CTNNA3: variants seen among roughly 807,000 people sequenced by gnomAD.
CTNNA3 encodes catenin alpha 3.
A neutral mutation model predicts 95.7 loss-of-function variants in CTNNA3; 76 were observed. That is an observed-to-expected ratio of 0.79 (90% confidence interval 0.66 to 0.96). The LOEUF (loss-of-function observed/expected upper bound fraction) is 0.96, where lower values mean the gene tolerates loss of function less well. Among genes scored for constraint, CTNNA3 ranks in the 40% least tolerant of loss-of-function variants. CTNNA3 has a pLI of 0.00. For missense variants in CTNNA3, 1,191 were observed against 1,089.8 expected, an observed-to-expected ratio of 1.09 and a Z score of -1.31; for synonymous variants, 431 against 374.4, an observed-to-expected ratio of 1.15 and a Z score of -1.74.
intron 6 of CTNNA3, among the ~76,000 whole-genome samples, chr10:67,187,515 C>G (rs888322426): frequency 1.3e-5 from 2 of 151,940 alleles, no homozygotes; most frequent in Non-Finnish European, 2.9e-5. Context: ...GTCTTTCTCT[C>G]TCATCATTTT....
chr10:67,314,479 A>G (rs1165671994), intron 5 of CTNNA3, among the ~76,000 whole-genome samples: 3 of 152,256 alleles, frequency 2.0e-5, no homozygotes, highest in Non-Finnish European at 2.9e-5. Flanking sequence ...ATTTTAGTAT[A>G]TAATTTAACT....
intron 9 of CTNNA3, among the ~76,000 whole-genome samples, chr10:66,670,591 A>C (rs917063880): frequency 1.3e-5 from 2 of 151,858 alleles, no homozygotes; most frequent in African/African-American, 4.8e-5. Context: ...TCACCGACTG[A>C]TTTTTCTGTT....
chr10:67,057,912 G>T (rs1855535265), intron 7 of CTNNA3, among the ~76,000 whole-genome samples: 1 of 152,156 alleles, frequency 6.6e-6, no homozygotes, highest in African/African-American at 2.4e-5. Context: ...AGACTTCAAA[G>T]AAGGTAATGC....
intron 7 of CTNNA3, among the ~76,000 whole-genome samples, chr10:67,133,410 G>C (rs975839931): frequency 1.1e-4 from 16 of 144,496 alleles, no homozygotes; most frequent in Non-Finnish European, 2.3e-4. Context: ...CACAATGGTA[G>C]ATATATATAT....
intron 4 of CTNNA3, among the ~76,000 whole-genome samples, chr10:67,524,144 C>A (rs1840065811): frequency 6.6e-6 from 1 of 152,176 alleles, no homozygotes; most frequent in Admixed American, 6.5e-5. Context: ...TGGCTCACGC[C>A]TGTAATCCCA....
chr10:67,126,436 A>G (rs2132007089), intron 7 of CTNNA3, among the ~76,000 whole-genome samples: 1 of 152,312 alleles, frequency 6.6e-6, no homozygotes, highest in East Asian at 1.9e-4. Flanking sequence ...CTGAGGCGGG[A>G]GAATCGCTTG....
chr10:67,347,983 G>A (rs963919569), intron 5 of CTNNA3, among the ~76,000 whole-genome samples: 1 of 151,984 alleles, frequency 6.6e-6, no homozygotes, highest in Non-Finnish European at 1.5e-5. Flanking sequence ...AACCAGAAAC[G>A]TCAATATAAA....
rs146266624 is a variant in CTNNA3, at chr10:66,350,031, G to A, written c.1732+29121C>T. On this transcript the variant is annotated intron_variant, in intron 12 of 17. Transcript: ENST00000433211. ...ATCACATTTCCTCTATTATAGCAAC[G>A]TAACACATTGGTGATATAAAGTTAT... 2.6e-4 allele frequency among the ~76,000 whole-genome samples: 39 copies of A among 152,128 alleles called. No individual in the cohort carries two copies. The East Asian group carries it at 6.6e-3, about 26-fold the overall frequency.
intron 7 of CTNNA3, among the ~76,000 whole-genome samples, chr10:66,973,908 C>T (rs1849873986): frequency 6.6e-6 from 1 of 152,168 alleles, no homozygotes; most frequent in Non-Finnish European, 1.5e-5. Context: ...AGGCGTGAAC[C>T]ACCGCGTCCA....
chr10:66,587,756 G>A (rs1206495927), intron 10 of CTNNA3, among the ~76,000 whole-genome samples: 1 of 152,164 alleles, frequency 6.6e-6, no homozygotes, highest in Admixed American at 6.5e-5. Flanking sequence ...AAAAGCAGCA[G>A]GCTGGGTTCC....
intron 7 of CTNNA3, among the ~76,000 whole-genome samples, chr10:67,053,649 A>G (rs1855253508): frequency 6.6e-6 from 1 of 152,188 alleles, no homozygotes; most frequent in African/African-American, 2.4e-5. Flanking sequence ...TTTCCTGGAA[A>G]TGCTACCAGT....
intron 7 of CTNNA3, among the ~76,000 whole-genome samples, chr10:67,121,079 A>C (rs1457639576): frequency 1.3e-5 from 2 of 152,076 alleles, no homozygotes; most frequent in Non-Finnish European, 2.9e-5. Flanking sequence ...TTATAAAAGC[A>C]TTCCCTTGAA....
chr10:67,670,819 T>A (rs1410538051), intron 1 of CTNNA3, among the ~76,000 whole-genome samples: 1 of 152,214 alleles, frequency 6.6e-6, no homozygotes, highest in African/African-American at 2.4e-5. Context: ...ACATTTCCAA[T>A]TAAACTTCCG....
chr10:67,466,591 G>T (rs1847603403), intron 5 of CTNNA3, among the ~76,000 whole-genome samples: 4 of 152,182 alleles, frequency 2.6e-5, no homozygotes, highest in Admixed American at 6.5e-5. Context: ...CAAAGCCAAA[G>T]AAGATGGCAA....
chr10:66,615,280 A>G (rs778082361), intron 10 of CTNNA3, among the ~76,000 whole-genome samples: 2 of 152,026 alleles, frequency 1.3e-5, no homozygotes, highest in Non-Finnish European at 2.9e-5. Flanking sequence ...GGTTTGAAGG[A>G]GGCACGTATC....
intron 5 of CTNNA3, among the ~76,000 whole-genome samples, chr10:67,348,996 A>G (rs927787596): frequency 5.9e-5 from 9 of 152,126 alleles, no homozygotes; most frequent in African/African-American, 2.2e-4. Context: ...ACAAATCACA[A>G]CCACAATGAG....
At position 66,136,848 on chromosome 10, in the gene CTNNA3, G is replaced by A. The variant is rs547804096; in HGVS notation, c.1885-33599C>T. 1.2e-3 allele frequency among the ~76,000 whole-genome samples: 175 copies of A among 151,296 alleles called. 2 individuals carry two copies. Among genetic ancestry groups the A allele is most frequent in the Admixed American group, 2.4e-3 (37 of 15,208 alleles). On this transcript the variant is annotated intron_variant, in intron 13 of 17. Transcript: ENST00000433211. ...CACATAATTTTTTTTTTTTGAGATA[G>A]AGTCTCACTGTCGCCCAGGCTGAAG...
At chr10:66,502,969 T>G (rs930027628) in intron 11 of CTNNA3, among the ~76,000 whole-genome samples, 7 of 152,136 alleles carry the variant, frequency 4.6e-5, no homozygotes, top group African/African-American at 1.7e-4. Flanking sequence ...TAATATCTGA[T>G]AGTCATGCAC....
intron 6 of CTNNA3, among the ~76,000 whole-genome samples, chr10:67,192,332 A>G (rs1863155682): frequency 6.6e-6 from 1 of 151,996 alleles, no homozygotes; most frequent in South Asian, 2.1e-4. Context: ...AGAATGGGAG[A>G]AAATATTTGT....
Sources: gnomAD v4.1 joint callset for allele counts (sites outside exome capture counted in the v4.1 genomes callset) on GRCh38, gnomAD v4.1.1 for gene constraint, MANE v1.5 for transcripts, NCBI Gene and HGNC (gene_info 2026-07-23, HGNC 2026-07-21) for gene names.